The following ASIC2 variants were observed in gnomAD, a reference collection of about 807,000 sequenced individuals.
The protein encoded by ASIC2 is acid sensing ion channel subunit 2, also known as acid-sensing ion channel 2.
In ASIC2, 25 loss-of-function variants were observed where a neutral mutation model predicts 57.3. That is an observed-to-expected ratio of 0.44 (90% confidence interval 0.32 to 0.61). The LOEUF (loss-of-function observed/expected upper bound fraction) is 0.61. Ranked by LOEUF, ASIC2 falls within the 20% of genes least tolerant of loss-of-function variation. The pLI is 0.06. For missense variants in ASIC2, 641 were observed against 738.1 expected (o/e 0.87, Z 1.52); for synonymous variants, 319 against 307.5 (o/e 1.04, Z -0.39).
At chr17:33,125,234 G>T (rs1046022284) in intron 1 of ASIC2, among the ~76,000 whole-genome samples, 3 of 152,274 alleles carry the variant, frequency 2.0e-5, no homozygotes, top group African/African-American at 2.4e-5. Flanking sequence ...AGGCAGAGGT[G>T]GTATCTTGCA....
At chr17:33,592,572 A>C (rs182895959) in intron 1 of ASIC2, among the ~76,000 whole-genome samples, 1 of 152,366 alleles carries the variant, frequency 6.6e-6, no homozygotes, top group African/African-American at 2.4e-5. Context: ...TATGCTTGCT[A>C]TCTCATTTGC....
chr17:33,907,395 G>A (rs1370093071), intron 1 of ASIC2, among the ~76,000 whole-genome samples: 1 of 152,204 alleles, frequency 6.6e-6, no homozygotes, highest in East Asian at 1.9e-4. Flanking sequence ...AATGCTGGCA[G>A]TCTCACCTTG....
At chr17:33,453,329 G>T (rs9892208) in intron 1 of ASIC2, among the ~76,000 whole-genome samples, 35,721 of 151,168 alleles carry the variant, frequency 0.24, 4,312 homozygotes, top group Non-Finnish European at 0.25. Flanking sequence ...CTGAGTCTAT[G>T]GTCTTACTTT....
intron 1 of ASIC2, among the ~76,000 whole-genome samples, chr17:33,281,414 C>G (rs751902046): frequency 6.6e-6 from 1 of 152,006 alleles, no homozygotes; most frequent in Non-Finnish European, 1.5e-5. Flanking sequence ...TTATTTAGGA[C>G]CTACACACCT....
intron 1 of ASIC2, among the ~76,000 whole-genome samples, chr17:33,886,675 T>C (rs1302468630): frequency 6.6e-6 from 1 of 152,136 alleles, no homozygotes; most frequent in Non-Finnish European, 1.5e-5. Context: ...ACTCACTTTC[T>C]CCTAAATTAC....
chr17:33,464,476 T>TTTTTCTTTC (rs1555536046), intron 1 of ASIC2, among the ~76,000 whole-genome samples: 9 of 71,960 alleles, frequency 1.3e-4, no homozygotes, highest in Non-Finnish European at 1.9e-4. Context: ...TCTTTCTTTC[T>TTTTTCTTTC]TTTCTCTCTT....
At chr17:33,654,304 C>A (rs1047604693) in intron 1 of ASIC2, among the ~76,000 whole-genome samples, 2 of 152,230 alleles carry the variant, frequency 1.3e-5, no homozygotes, top group African/African-American at 4.8e-5. Context: ...TTTGCAGAAG[C>A]AGAAGTGAAG....
chr17:33,411,745 T>C lies in ASIC2; in HGVS notation c.556-299678A>G, dbSNP rs185720850. Among the ~76,000 whole-genome samples the C allele has an allele frequency of 1.9e-3, 287 of 152,356 alleles. 1 individual carries two copies. The highest frequency in any genetic ancestry group is 6.6e-3 in the African/African-American group (275 of 41,588). On this transcript the variant is annotated intron_variant, in intron 1 of 9. Transcript: ENST00000359872. ...GACCAGCTTTACCATTGACTGACTG[T>C]GTGATTATGAACAAGTGACTGAGCG...
chr17:33,962,806 C>A (rs1029657795), intron 1 of ASIC2, among the ~76,000 whole-genome samples: 1 of 152,152 alleles, frequency 6.6e-6, no homozygotes, highest in African/African-American at 2.4e-5. Flanking sequence ...AGGAAAAAAC[C>A]ATTTTTAGTA....
intron 3 of ASIC2, among the ~76,000 whole-genome samples, chr17:33,067,751 C>A (rs995356640): frequency 6.6e-6 from 1 of 152,120 alleles, no homozygotes; most frequent in Non-Finnish European, 1.5e-5. Flanking sequence ...GAAACAGCAA[C>A]TTTGCAAAGT....
intron 1 of ASIC2, among the ~76,000 whole-genome samples, chr17:33,319,474 T>G (rs552740611): frequency 6.6e-6 from 1 of 152,196 alleles, no homozygotes; most frequent in East Asian, 1.9e-4. Context: ...CATGTGGGAT[T>G]CAGACCACCC....
chr17:33,922,182 T>C (rs1229374709), intron 1 of ASIC2, among the ~76,000 whole-genome samples: 1 of 152,150 alleles, frequency 6.6e-6, no homozygotes, highest in Non-Finnish European at 1.5e-5. Context: ...TTAAGACCAG[T>C]ATTGAATCCT....
intron 1 of ASIC2, among the ~76,000 whole-genome samples, chr17:33,118,909 C>T (rs957080599): frequency 6.6e-6 from 1 of 152,104 alleles, no homozygotes; most frequent in Admixed American, 6.5e-5. Context: ...TAGATGCCAG[C>T]CTCTGGGCTT....
At chr17:33,503,649 T>C (rs1402014226) in intron 1 of ASIC2, among the ~76,000 whole-genome samples, 1 of 152,136 alleles carries the variant, frequency 6.6e-6, no homozygotes, top group Admixed American at 6.5e-5. Context: ...TCAAAACCTC[T>C]TGGAGCTCAG....
At chr17:33,520,574 A>C (rs1208230870) in intron 1 of ASIC2, among the ~76,000 whole-genome samples, 1 of 152,244 alleles carries the variant, frequency 6.6e-6, no homozygotes, top group Non-Finnish European at 1.5e-5. Flanking sequence ...TGTTCAGCAC[A>C]CAAGGAGCCT....
At chr17:33,132,275 C>G (rs2092349373) in intron 1 of ASIC2, among the ~76,000 whole-genome samples, 1 of 152,194 alleles carries the variant, frequency 6.6e-6, no homozygotes, top group South Asian at 2.1e-4. Flanking sequence ...GGTTCTGCCC[C>G]CAAACTGGGT....
chr17:34,090,064 T>A (rs1390644811), intron 1 of ASIC2, among the ~76,000 whole-genome samples: 2 of 152,144 alleles, frequency 1.3e-5, no homozygotes, highest in Non-Finnish European at 2.9e-5. Flanking sequence ...TTCACAGCAC[T>A]AGGCCTGACA....
chr17:33,845,036 C>T (rs1450119374), intron 1 of ASIC2, among the ~76,000 whole-genome samples: 1 of 152,156 alleles, frequency 6.6e-6, no homozygotes, highest in Non-Finnish European at 1.5e-5. Context: ...CATTTTTAAC[C>T]ACATTGAAAA....
intron 1 of ASIC2, among the ~76,000 whole-genome samples, chr17:33,594,229 G>T: frequency 6.6e-6 from 1 of 152,356 alleles, no homozygotes; most frequent in African/African-American, 2.4e-5. Context: ...TCAGATGGCT[G>T]ACTCAGTCTT....
Sources: gnomAD v4.1 joint callset for allele counts (sites outside exome capture counted in the v4.1 genomes callset) on GRCh38, gnomAD v4.1.1 for gene constraint, MANE v1.5 for transcripts, NCBI Gene and HGNC (gene_info 2026-07-23, HGNC 2026-07-21) for gene names.